RBFOX1: variants seen among roughly 807,000 people sequenced by gnomAD.
The protein encoded by RBFOX1 is RNA binding protein fox-1 homolog 1.
RBFOX1 carries 8 observed loss-of-function variants against 57.7 expected under a neutral mutation model. The ratio of observed to expected loss-of-function variants is 0.14; its 90% CI spans 0.08 to 0.25. The LOEUF is 0.25. Ranked by LOEUF, RBFOX1 falls within the 10% of genes least tolerant of loss-of-function variation. The pLI, the probability that RBFOX1 is intolerant of heterozygous loss-of-function variation, is 1.00. For missense variants in RBFOX1, 611 were observed against 548.5 expected (o/e 1.11, Z -1.14); for synonymous variants, 326 against 222.4 (o/e 1.47, Z -4.15).
At chr16:5,286,878 G>A (rs2063408053) in intron 1 of RBFOX1, among the ~76,000 whole-genome samples, 1 of 152,170 alleles carries the variant, frequency 6.6e-6, no homozygotes, top group African/African-American at 2.4e-5. Flanking sequence ...ACAGTCAGAG[G>A]GCCAGATTTG....
intron 1 of RBFOX1, among the ~76,000 whole-genome samples, chr16:5,401,317 G>T (rs777303040): frequency 2.0e-5 from 3 of 152,118 alleles, no homozygotes; most frequent in Non-Finnish European, 4.4e-5. Flanking sequence ...TTTTGTCAGT[G>T]TTTTTCCTTT....
intron 3 of RBFOX1, among the ~76,000 whole-genome samples, chr16:6,657,192 C>T (rs1002183253): frequency 1.3e-5 from 2 of 151,470 alleles, no homozygotes; most frequent in African/African-American, 4.9e-5. Context: ...CCTTTCCTTC[C>T]CACTTTCTCG....
At chr16:7,451,630 CAT>C (rs1175528660) in intron 4 of RBFOX1, among the ~76,000 whole-genome samples, 34 of 152,308 alleles carry the variant, frequency 2.2e-4, no homozygotes, top group Non-Finnish European at 2.1e-4. Flanking sequence ...ACTATGCTAA[CAT>C]TTTGAAATTA....
intron 3 of RBFOX1, among the ~76,000 whole-genome samples, chr16:6,930,486 T>C (rs906518228): frequency 6.6e-6 from 1 of 151,762 alleles, no homozygotes; most frequent in African/African-American, 2.4e-5. Flanking sequence ...CTCGGCTCAC[T>C]ACAACCTCTG....
At chr16:7,629,713 G>A (rs1161417292) in intron 10 of RBFOX1, among the ~76,000 whole-genome samples, 4 of 152,218 alleles carry the variant, frequency 2.6e-5, no homozygotes, top group African/African-American at 9.7e-5. Flanking sequence ...GATTGAGGAG[G>A]TATCTCAGGA....
chr16:6,078,155 T>C (rs953027524), intron 1 of RBFOX1, among the ~76,000 whole-genome samples: 12 of 152,158 alleles, frequency 7.9e-5, no homozygotes, highest in Non-Finnish European at 1.6e-4. Flanking sequence ...CACTTGAACA[T>C]GTGGTAACAT....
At chr16:7,264,826 A>G (rs2095064912) in intron 4 of RBFOX1, among the ~76,000 whole-genome samples, 1 of 152,246 alleles carries the variant, frequency 6.6e-6, no homozygotes, top group Admixed American at 6.5e-5. Flanking sequence ...TAAAGTACCC[A>G]GAGGGTAAAA....
chr16:6,794,839 A>G (rs2083642473), intron 3 of RBFOX1, among the ~76,000 whole-genome samples: 1 of 152,142 alleles, frequency 6.6e-6, no homozygotes. Context: ...ACTGCTTTCC[A>G]AGGTAATTGT....
At chr16:7,145,987 T>C (rs2074892065) in intron 4 of RBFOX1, among the ~76,000 whole-genome samples, 1 of 152,204 alleles carries the variant, frequency 6.6e-6, no homozygotes, top group South Asian at 2.1e-4. Context: ...AGTCACCCCA[T>C]CTGTGTCCAC....
chr16:7,512,181 G>C lies in RBFOX1; in HGVS notation c.28-5966G>C, dbSNP rs146179771. Among the ~76,000 whole-genome samples, 8 of 152,284 alleles carry C rather than the reference G, an allele frequency of 5.3e-5. No homozygotes were observed. The East Asian group carries it at 1.4e-3, about 26-fold the overall frequency. On this transcript the variant is annotated intron_variant, in intron 4 of 15. Transcript: ENST00000550418. ...AAATGAGGGAATGTCTAGCCAGAAT[G>C]CTCCAAATAATTTTGCCTGTCACTG...
Position 5,594,594 on chromosome 16 carries a change from C to T in RBFOX1, c.259-4308C>T, listed in dbSNP as rs2151191595. Among the ~76,000 whole-genome samples, 7 of 152,272 alleles carry T rather than the reference C, an allele frequency of 4.6e-5. 1 individual carries two copies. In the South Asian group the frequency reaches 1.5e-3, roughly 32 times the overall value. ...GACAGGGAGACACTGGGAGAGGAGG[C>T]TTCCAGGTCAGAGGTAGAAAAGAGA... is the stretch of plus-strand genomic sequence containing the variant. On this transcript the variant is annotated intron_variant, in intron 2 of 2. Transcript: ENST00000585867.
intron 3 of RBFOX1, among the ~76,000 whole-genome samples, chr16:6,887,480 C>G (rs1418513498): frequency 2.0e-5 from 3 of 152,170 alleles, no homozygotes; most frequent in Middle Eastern, 6.8e-3. Flanking sequence ...TGTTTTCTGG[C>G]TTTTTCTATC....
In RBFOX1 at chr16:6,540,337, A is replaced by C. The variant is rs996372880; in HGVS notation, c.-63-114266A>C. Among the ~76,000 whole-genome samples, 10 of 151,080 alleles carry C rather than the reference A, an allele frequency of 6.6e-5. 1 individual carries two copies. Among genetic ancestry groups the C allele is most frequent in the Admixed American group, 6.6e-5 (1 of 15,140 alleles). The stretch of plus-strand genomic sequence containing the variant: ...AAAAAAAAAAACTCAACTCAGGCCT[A>C]GCGTGGTGGCTCACACTTGTAATCC... On this transcript the variant is annotated intron_variant, in intron 2 of 15. Transcript: ENST00000550418.
chr16:7,324,438 T>C (rs920337365), intron 4 of RBFOX1, among the ~76,000 whole-genome samples: 1 of 152,074 alleles, frequency 6.6e-6, no homozygotes, highest in African/African-American at 2.4e-5. Context: ...AGTAGCTGCA[T>C]CCTCCCCCCT....
At chr16:5,392,357 T>A (rs1313644765) in intron 1 of RBFOX1, among the ~76,000 whole-genome samples, 1 of 152,140 alleles carries the variant, frequency 6.6e-6, no homozygotes, top group African/African-American at 2.4e-5. Context: ...GACTTCTTAT[T>A]AACTTCATCA....
chr16:6,564,007 A>C (rs62015488), intron 2 of RBFOX1, among the ~76,000 whole-genome samples: 1,794 of 151,998 alleles, frequency 0.012, 17 homozygotes, highest in Non-Finnish European at 0.021. Flanking sequence ...AAACTACAGC[A>C]CCCATGTTGT....
intron 4 of RBFOX1, among the ~76,000 whole-genome samples, chr16:7,240,818 C>A (rs2094017156): frequency 1.3e-5 from 2 of 152,300 alleles, no homozygotes; most frequent in South Asian, 4.1e-4. Context: ...GATCCACCTG[C>A]CTCAGCCTTC....
chr16:6,650,322 C>G (rs924706925), intron 2 of RBFOX1, among the ~76,000 whole-genome samples: 2 of 151,802 alleles, frequency 1.3e-5, no homozygotes. Context: ...CCCTTCTTCC[C>G]ATAGCAAGGA....
At chr16:7,149,481 T>C (rs2075702621) in intron 4 of RBFOX1, among the ~76,000 whole-genome samples, 2 of 118,880 alleles carry the variant, frequency 1.7e-5, no homozygotes, top group Non-Finnish European at 1.7e-5. Context: ...TTTCTTTCTT[T>C]CCTTTTTTTT....
Sources: allele counts gnomAD v4.1 joint callset (sites outside exome capture counted in the v4.1 genomes callset), GRCh38; gene constraint gnomAD v4.1.1; transcripts MANE v1.5; gene names NCBI Gene and HGNC (gene_info 2026-07-23, HGNC 2026-07-21).